The following SH2D4A variants were observed in gnomAD, a reference collection of about 807,000 sequenced individuals.
SH2D4A encodes the protein SH2 domain-containing protein 4A.
Under a neutral mutation model 64.7 loss-of-function variants are expected in SH2D4A, and 70 were observed. The observed-to-expected ratio is 1.08, with a 90% CI of 0.89 to 1.32. SH2D4A has a LOEUF of 1.32. Ranked by LOEUF, SH2D4A falls within the 40% of genes most tolerant of loss-of-function variation. SH2D4A has a pLI of 0.00. For synonymous variants in SH2D4A, 268 were observed against 200.7 expected, an observed-to-expected ratio of 1.34 and a Z score of -2.83; for missense variants, 706 against 540.1, an observed-to-expected ratio of 1.31 and a Z score of -3.04.
rs2053568389 is a variant in SH2D4A, at chr8:19,395,220, T to G, written c.*578T>G. On this transcript the variant is annotated 3_prime_UTR_variant, in exon 10 of 10. Coordinates refer to ENST00000265807, the MANE Select transcript of SH2D4A (RefSeq NM_022071.4). The stretch of plus-strand genomic sequence containing the variant: ...GGCTTAACATGCATGAAAATACAGA[T>G]GGACCTGCAGGAAAGTGAGCAAACA... 6.6e-6 allele frequency: 1 copy of G among 152,232 alleles called. No homozygotes were observed. The highest frequency in any genetic ancestry group is 2.4e-5 in the African/African-American group (1 of 41,450). The allele number at this position is 152,232 out of a possible 1,614,324, so 9.4% of individuals were successfully genotyped here. A position where few individuals can be genotyped will look rare whatever the true frequency, so the allele number is the denominator to read the frequency against.
chr8:19,373,270 T>C (rs2053134055), intron 7 of SH2D4A, among the ~76,000 whole-genome samples: 1 of 151,646 alleles, frequency 6.6e-6, no homozygotes, highest in African/African-American at 2.4e-5. Context: ...CTGAGGTCAT[T>C]GAATTAGATC....
At chr8:19,339,037 C>T (rs564926006) in intron 4 of SH2D4A, among the ~76,000 whole-genome samples, 6 of 152,328 alleles carry the variant, frequency 3.9e-5, no homozygotes, top group Admixed American at 2.0e-4. Context: ...GCAGGGAAGC[C>T]GACAGTGCAG....
intron 2 of SH2D4A, among the ~76,000 whole-genome samples, chr8:19,319,943 A>T (rs1032577335): frequency 3.3e-5 from 5 of 152,196 alleles, no homozygotes; most frequent in Admixed American, 1.3e-4. Flanking sequence ...CTATGAGGAA[A>T]TCTTTTACTT....
Position 19,319,432 on chromosome 8 carries a change from T to A in SH2D4A, c.-116T>A. On this transcript the variant is annotated 5_prime_UTR_variant, in exon 2 of 10. Coordinates refer to ENST00000265807, the MANE Select transcript of SH2D4A (RefSeq NM_022071.4). ...TTATTGTCCCAGTCAGCCAGGATTG[T>A]GAGCTGTTTGGGAAGTTTCGTGGAA... is the stretch of plus-strand genomic sequence containing the variant. 1 of 1,327,820 alleles carries A rather than the reference T, an allele frequency of 7.5e-7. No homozygotes were observed. Among genetic ancestry groups the A allele is most frequent in the Non-Finnish European group, 9.7e-7 (1 of 1,035,464 alleles). The allele number at this position is 1,327,820 out of a possible 1,614,324, so 82.3% of individuals were successfully genotyped here.
intron 1 of SH2D4A, among the ~76,000 whole-genome samples, chr8:19,315,091 T>C (rs1585137253): frequency 8.8e-6 from 1 of 113,698 alleles, no homozygotes; most frequent in East Asian, 3.5e-4. Flanking sequence ...AAACCGCAGT[T>C]ACTTTTTTTT....
At chr8:19,387,793 G>A (rs956857883) in intron 8 of SH2D4A, among the ~76,000 whole-genome samples, 2 of 152,182 alleles carry the variant, frequency 1.3e-5, no homozygotes, top group African/African-American at 4.8e-5. Context: ...CAGATCAGTA[G>A]GGTTGTTCCT....
rs76792542 is a variant in SH2D4A at position 19,316,832 on chromosome 8, A to G, written c.-204-2512A>G. ...CTTACCAGCTGCTGACCTGTGCTCT[A>G]TCTTCCTAATCTGTGAGATGGGCAT... is the stretch of plus-strand genomic sequence containing the variant. On this transcript the variant is annotated intron_variant, in intron 1 of 9. Transcript: ENST00000265807. Among the ~76,000 whole-genome samples, 264 of 152,326 alleles carry G rather than the reference A, an allele frequency of 1.7e-3. 2 individuals are homozygous for G. Among genetic ancestry groups the G allele is most frequent in the African/African-American group, 6.1e-3 (253 of 41,568 alleles).
intron 8 of SH2D4A, among the ~76,000 whole-genome samples, chr8:19,385,596 G>C (rs934917731): frequency 1.3e-5 from 2 of 152,118 alleles, no homozygotes; most frequent in Non-Finnish European, 2.9e-5. Context: ...CTCTGGAATT[G>C]TTGTTCCCTA....
intron 8 of SH2D4A, among the ~76,000 whole-genome samples, chr8:19,390,876 C>G (rs1195942355): frequency 6.6e-6 from 1 of 152,120 alleles, no homozygotes; most frequent in Non-Finnish European, 1.5e-5. Flanking sequence ...GGAATTTGAC[C>G]TTACTTAGCC....
chr8:19,315,857 C>T (rs944815231), intron 1 of SH2D4A, among the ~76,000 whole-genome samples: 2 of 152,194 alleles, frequency 1.3e-5, no homozygotes, highest in Admixed American at 1.3e-4. Context: ...CTGGCTCCAC[C>T]AGGCTCCTTC....
intron 4 of SH2D4A, among the ~76,000 whole-genome samples, chr8:19,346,958 G>T (rs1343275598): frequency 5.3e-5 from 8 of 152,210 alleles, no homozygotes. Context: ...AAAGAGGGCT[G>T]TCTGGCTGGA....
intron 4 of SH2D4A, among the ~76,000 whole-genome samples, chr8:19,344,000 G>C (rs1380756214): frequency 2.0e-5 from 3 of 152,164 alleles, no homozygotes; most frequent in African/African-American, 4.8e-5. Flanking sequence ...TCATGTGTCG[G>C]GGAGGGAGAA....
rs537005577 is a variant in SH2D4A at position 19,384,862 on chromosome 8, C to T, written c.1049-8456C>T. ...AAAAATACAGCAGTTTATTGCAGCT[C>T]AGAAACTGGCAGGGACTGGGAGTGG... On this transcript the variant is annotated intron_variant, in intron 8 of 9. Transcript: ENST00000265807. Among the ~76,000 whole-genome samples the T allele has an allele frequency of 5.3e-5, 8 of 152,266 alleles. No homozygotes were observed. In the South Asian group the frequency reaches 1.7e-3, roughly 32 times the overall value.
At chr8:19,328,201 G>C (rs975989295) in intron 2 of SH2D4A, among the ~76,000 whole-genome samples, 2 of 152,124 alleles carry the variant, frequency 1.3e-5, no homozygotes, top group Admixed American at 1.3e-4. Context: ...TGTACCAGTG[G>C]CTTCAATAAC....
intron 5 of SH2D4A, among the ~76,000 whole-genome samples, chr8:19,360,266 C>T (rs1364442078): frequency 1.3e-5 from 2 of 150,446 alleles, no homozygotes; most frequent in African/African-American, 2.4e-5. Flanking sequence ...TCTCCCTTCT[C>T]AAAAGATGCT....
At chr8:19,385,898 C>T (rs1422079452) in intron 8 of SH2D4A, among the ~76,000 whole-genome samples, 3 of 152,148 alleles carry the variant, frequency 2.0e-5, no homozygotes, top group African/African-American at 7.2e-5. Flanking sequence ...ATATTCTGCC[C>T]ACCTGTCACA....
intron 4 of SH2D4A, among the ~76,000 whole-genome samples, chr8:19,339,037 C>G (rs564926006): frequency 6.6e-6 from 1 of 152,210 alleles, no homozygotes; most frequent in Non-Finnish European, 1.5e-5. Flanking sequence ...GCAGGGAAGC[C>G]GACAGTGCAG....
rs1585223175 is a variant in SH2D4A at position 19,394,792 on chromosome 8, C to T, written c.*150C>T. 4.5e-6 allele frequency: 2 copies of T among 443,120 alleles called. No homozygotes were observed. Among genetic ancestry groups the T allele is most frequent in the Admixed American group, 4.2e-5 (1 of 23,872 alleles). The allele number at this position is 443,120 out of a possible 1,614,324, so 27.4% of individuals were successfully genotyped here. On this transcript the variant is annotated 3_prime_UTR_variant, in exon 10 of 10. Transcript: ENST00000265807. Reference sequence around the variant, plus strand: ...AAAGTATCCATGGAGTCCTCATTGACACCTCTTTTCTGCACAAATACTGGA... The same window carrying T: ...AAAGTATCCATGGAGTCCTCATTGATACCTCTTTTCTGCACAAATACTGGA...
At chr8:19,333,151 T>C (rs1402837933) in intron 3 of SH2D4A, 37 bp downstream of exon 3, 1 of 1,573,782 alleles carries the variant, frequency 6.4e-7, no homozygotes, top group Non-Finnish European at 8.6e-7. Flanking sequence ...ACTTAAAGAC[T>C]CTCCAGACTT....
Sources: gnomAD v4.1 joint callset for allele counts (sites outside exome capture counted in the v4.1 genomes callset) on GRCh38, gnomAD v4.1.1 for gene constraint, MANE v1.5 for transcripts, NCBI Gene and HGNC (gene_info 2026-07-23, HGNC 2026-07-21) for gene names.